FTO: variants seen among roughly 807,000 people sequenced by gnomAD.
FTO encodes alpha-ketoglutarate-dependent dioxygenase FTO.
In FTO, 47 loss-of-function variants were observed where a neutral mutation model predicts 63.9. The ratio of observed to expected loss-of-function variants is 0.74; its 90% confidence interval spans 0.58 to 0.94. The LOEUF (loss-of-function observed/expected upper bound fraction) is 0.94. Ranked by LOEUF, FTO falls within the 40% of genes least tolerant of loss-of-function variation. The pLI, the probability that FTO is intolerant of heterozygous loss-of-function variation, is 0.00. For missense variants in FTO, 562 were observed against 618.1 expected (o/e 0.91, Z 0.96); for synonymous variants, 207 against 224.4 (o/e 0.92, Z 0.69).
chr16:53,908,736 C>T (rs974687178), intron 7 of FTO, among the ~76,000 whole-genome samples: 2 of 152,214 alleles, frequency 1.3e-5, no homozygotes, highest in Admixed American at 1.3e-4. Flanking sequence ...CCTAGAGTCA[C>T]AATCCGGCCT....
At chr16:53,914,659 G>C (rs1294633016) in intron 7 of FTO, among the ~76,000 whole-genome samples, 1 of 152,136 alleles carries the variant, frequency 6.6e-6, no homozygotes, top group African/African-American at 2.4e-5. Context: ...TTAAGGATAG[G>C]TATTCCCGTG....
chr16:53,821,709 G>C (rs377038427), intron 2 of FTO, among the ~76,000 whole-genome samples: 27 of 152,244 alleles, frequency 1.8e-4, no homozygotes, highest in African/African-American at 5.8e-4. Context: ...TTCACATTCA[G>C]ACTTGACTCA....
chr16:53,988,376 C>T (rs79357205), intron 8 of FTO, among the ~76,000 whole-genome samples: 1,824 of 152,156 alleles, frequency 0.012, 20 homozygotes, highest in Non-Finnish European at 0.018. Context: ...TTATTTTTTA[C>T]GTTGGGGCCT....
In FTO at chr16:53,747,218, T is replaced by C. The variant is rs565425158; in HGVS notation, c.45+42989T>C. Among the ~76,000 whole-genome samples, 3 of 152,272 alleles carry C rather than the reference T, an allele frequency of 2.0e-5. No individual in the cohort carries two copies. In the East Asian group the frequency reaches 5.8e-4, roughly 29 times the overall value. On this transcript the variant is annotated intron_variant, in intron 1 of 8. Coordinates refer to ENST00000471389, the MANE Select transcript of FTO (RefSeq NM_001080432.3). ...CAATTTCAAGTATCCTGGGTAAATA[T>C]CCAGAAGTGAAATTGCTGGATCATA...
intron 6 of FTO, among the ~76,000 whole-genome samples, chr16:53,884,355 T>C (rs2080941538): frequency 6.6e-6 from 1 of 152,220 alleles, no homozygotes; most frequent in South Asian, 2.1e-4. Context: ...TTTGATGGTA[T>C]TGTTTGGCTC....
At chr16:54,003,535 T>C (rs1193785218) in intron 8 of FTO, among the ~76,000 whole-genome samples, 1 of 152,196 alleles carries the variant, frequency 6.6e-6, no homozygotes, top group African/African-American at 2.4e-5. Context: ...TCTTTATTTT[T>C]TATAGAGACA....
chr16:53,802,371 AT>A (rs540274178), intron 1 of FTO, among the ~76,000 whole-genome samples: 21 of 148,956 alleles, frequency 1.4e-4, no homozygotes, highest in Admixed American at 1.0e-3. Context: ...GCAACCATCC[AT>A]TTTTTTTTTC....
chr16:53,767,119 A>C (rs941904796), intron 1 of FTO, among the ~76,000 whole-genome samples: 1 of 152,188 alleles, frequency 6.6e-6, no homozygotes, highest in Non-Finnish European at 1.5e-5. Flanking sequence ...CCACTGGGCC[A>C]GGCCTCTGTG....
intron 1 of FTO, among the ~76,000 whole-genome samples, chr16:53,764,462 T>C (rs2077143737): frequency 8.4e-6 from 1 of 119,716 alleles, no homozygotes; most frequent in Non-Finnish European, 1.7e-5. Context: ...AAACCCCATC[T>C]CTACTAAAAA....
chr16:54,066,217 TTACGGTAGTCCA>T (rs1471205608), intron 8 of FTO, among the ~76,000 whole-genome samples: 5 of 151,624 alleles, frequency 3.3e-5, no homozygotes, highest in Non-Finnish European at 7.4e-5. Flanking sequence ...TCCTGGGTCC[TTACGGTAGTCCA>T]TGCAGTAGGT....
At chr16:53,897,953 C>T (rs74019295) in intron 7 of FTO, among the ~76,000 whole-genome samples, 5,625 of 152,200 alleles carry the variant, frequency 0.037, 317 homozygotes, top group African/African-American at 0.13. Flanking sequence ...TACTCATGAC[C>T]TGACTACCCT....
At chr16:54,090,959 T>C (rs1013904213) in intron 8 of FTO, among the ~76,000 whole-genome samples, 1 of 152,214 alleles carries the variant, frequency 6.6e-6, no homozygotes, top group Non-Finnish European at 1.5e-5. Context: ...AGGGCAGCCA[T>C]GCTCCTTACA....
At chr16:53,850,844 G>A (rs2079772035) in intron 4 of FTO, among the ~76,000 whole-genome samples, 1 of 151,994 alleles carries the variant, frequency 6.6e-6, no homozygotes, top group Non-Finnish European at 1.5e-5. Flanking sequence ...TGTGGTGATG[G>A]TTGCACATCT....
intron 1 of FTO, among the ~76,000 whole-genome samples, chr16:53,739,505 T>C (rs887269001): frequency 5.9e-5 from 9 of 152,074 alleles, no homozygotes; most frequent in African/African-American, 1.7e-4. Context: ...TGAGCCACTG[T>C]GCCTGGCCTA....
At chr16:54,096,292 G>A (rs770809852) in intron 8 of FTO, among the ~76,000 whole-genome samples, 3 of 152,108 alleles carry the variant, frequency 2.0e-5, no homozygotes, top group Non-Finnish European at 4.4e-5. Context: ...CATTTCCTAG[G>A]TGTACAAAAT....
At chr16:53,734,262 T>G (rs76062288) in intron 1 of FTO, among the ~76,000 whole-genome samples, 7,421 of 152,096 alleles carry the variant, frequency 0.049, 227 homozygotes, top group South Asian at 0.11. Context: ...TATTATTTGG[T>G]TTTTTTTATG....
At chr16:54,083,098 T>C (rs1207535647) in intron 8 of FTO, among the ~76,000 whole-genome samples, 1 of 152,216 alleles carries the variant, frequency 6.6e-6, no homozygotes, top group African/African-American at 2.4e-5. Context: ...TCTATCTAAA[T>C]TGAACAGAAA....
At chr16:54,038,734 G>A (rs370322789) in intron 8 of FTO, among the ~76,000 whole-genome samples, 3 of 151,990 alleles carry the variant, frequency 2.0e-5, no homozygotes, top group African/African-American at 4.8e-5. Flanking sequence ...TCCCTCTTTC[G>A]CCATGGGACA....
At chr16:53,840,547 G>A (rs7188300) in intron 3 of FTO, among the ~76,000 whole-genome samples, 35,031 of 152,152 alleles carry the variant, frequency 0.23, 4,257 homozygotes, top group Middle Eastern at 0.32. Flanking sequence ...TTTTGGCTTT[G>A]TGGGTTTTAT....
Sources: gnomAD v4.1 joint callset for allele counts (sites outside exome capture counted in the v4.1 genomes callset) on GRCh38, gnomAD v4.1.1 for gene constraint, MANE v1.5 for transcripts, NCBI Gene and HGNC (gene_info 2026-07-23, HGNC 2026-07-21) for gene names.